The following ZPLD1 variants were observed in gnomAD, a reference collection of about 807,000 sequenced individuals.
ZPLD1 encodes the protein zona pellucida-like domain-containing protein 1.
In ZPLD1, 34 loss-of-function variants were observed where a neutral mutation model predicts 47.2. The ratio of observed to expected loss-of-function variants is 0.72; its 90% CI spans 0.55 to 0.96. ZPLD1 has a LOEUF of 0.96. Among genes scored for constraint, ZPLD1 ranks in the 40% least tolerant of loss-of-function variants. The pLI is 0.00. For missense variants in ZPLD1, 512 were observed against 505.8 expected, an observed-to-expected ratio of 1.01 and a Z score of -0.12; for synonymous variants, 176 against 186.2, an observed-to-expected ratio of 0.95 and a Z score of 0.45.
intron 7 of ZPLD1, among the ~76,000 whole-genome samples, chr3:102,406,422 G>A (rs1417151808): frequency 3.3e-5 from 5 of 151,872 alleles, no homozygotes; most frequent in African/African-American, 1.2e-4. Context: ...AAGACCTTGG[G>A]TATTGCAACT....
At chr3:102,391,844 G>A (rs760249852) in intron 6 of ZPLD1, among the ~76,000 whole-genome samples, 1 of 152,108 alleles carries the variant, frequency 6.6e-6, no homozygotes, top group Non-Finnish European at 1.5e-5. Context: ...AACCTTATGG[G>A]CACTCAATTT....
At chr3:102,410,816 G>A (rs921554649) in intron 7 of ZPLD1, among the ~76,000 whole-genome samples, 1 of 151,824 alleles carries the variant, frequency 6.6e-6, no homozygotes, top group African/African-American at 2.4e-5. Flanking sequence ...TTCATGAAAG[G>A]CTTGCTACAC....
chr3:102,385,921 C>G (rs1211747060), intron 6 of ZPLD1, among the ~76,000 whole-genome samples: 1 of 152,188 alleles, frequency 6.6e-6, no homozygotes, highest in Non-Finnish European at 1.5e-5. Context: ...AACTTCTCTC[C>G]TCCTTCCTCT....
At chr3:102,466,060 T>C (rs529653321) in intron 8 of ZPLD1, among the ~76,000 whole-genome samples, 90 of 152,122 alleles carry the variant, frequency 5.9e-4, no homozygotes, top group African/African-American at 2.1e-3. Context: ...AAGTGGCAGA[T>C]CTCATAAAGT....
intron 7 of ZPLD1, among the ~76,000 whole-genome samples, chr3:102,404,488 T>C (rs1268295852): frequency 6.6e-6 from 1 of 152,006 alleles, no homozygotes; most frequent in Non-Finnish European, 1.5e-5. Flanking sequence ...ACACAACCAG[T>C]GCCTATATGT....
At chr3:102,411,666 A>G (rs749976859) in intron 7 of ZPLD1, among the ~76,000 whole-genome samples, 31 of 151,846 alleles carry the variant, frequency 2.0e-4, no homozygotes, top group Non-Finnish European at 4.0e-4. Flanking sequence ...CCCAAGAATA[A>G]TGAGTCAACT....
At chr3:102,407,644 C>T (rs1026344135) in intron 7 of ZPLD1, among the ~76,000 whole-genome samples, 1 of 151,112 alleles carries the variant, frequency 6.6e-6, no homozygotes, top group Admixed American at 6.6e-5. Context: ...CTCTTTTAGG[C>T]AGTAGTCATG....
chr3:102,442,932 GT>G (rs1431701253), intron 3 of ZPLD1, among the ~76,000 whole-genome samples: 5 of 152,226 alleles, frequency 3.3e-5, no homozygotes, highest in African/African-American at 1.2e-4. Flanking sequence ...TAAAATTACA[GT>G]TGTGATGATT....
At chr3:102,416,988 GA>G (rs1319568646) in intron 7 of ZPLD1, among the ~76,000 whole-genome samples, 2 of 151,912 alleles carry the variant, frequency 1.3e-5, no homozygotes, top group Non-Finnish European at 2.9e-5. Context: ...ACCATTTAGG[GA>G]AAGAGTTTGG....
intron 6 of ZPLD1, among the ~76,000 whole-genome samples, chr3:102,387,333 A>G (rs1490749530): frequency 2.0e-5 from 3 of 152,234 alleles, no homozygotes; most frequent in Non-Finnish European, 4.4e-5. Context: ...GATAGCTAAT[A>G]TATAGTTTTC....
At chr3:102,414,705 T>G (rs552907537) in intron 7 of ZPLD1, among the ~76,000 whole-genome samples, 4 of 151,890 alleles carry the variant, frequency 2.6e-5, no homozygotes, top group African/African-American at 9.6e-5. Context: ...CCATTAATTC[T>G]TCATTGAAAC....
chr3:102,388,453 G>GCTCTCTCTCTC (rs1706458795), intron 6 of ZPLD1, among the ~76,000 whole-genome samples: 1 of 143,672 alleles, frequency 7.0e-6, no homozygotes, highest in African/African-American at 2.7e-5. Context: ...CTCTCTCTCT[G>GCTCTCTCTCTC]TCTGTGTGTG....
At chr3:102,445,989 CAG>C (rs1707250143) in intron 3 of ZPLD1, among the ~76,000 whole-genome samples, 1 of 152,076 alleles carries the variant, frequency 6.6e-6, no homozygotes, top group South Asian at 2.1e-4. Flanking sequence ...AAACTGAAAA[CAG>C]AGGCATCATC....
chr3:102,435,208 CT>C, intron 1 of ZPLD1, 54 bp downstream of exon 1: 1 of 1,595,204 alleles, frequency 6.3e-7, no homozygotes, highest in Non-Finnish European at 8.6e-7. Flanking sequence ...TTTGTTTTAA[CT>C]TACAGTTGAA....
intron 7 of ZPLD1, among the ~76,000 whole-genome samples, chr3:102,412,189 C>G (rs1706753785): frequency 6.6e-6 from 1 of 151,754 alleles, no homozygotes; most frequent in Non-Finnish European, 1.5e-5. Flanking sequence ...AAATAACAAT[C>G]ATATCTAAAA....
intron 7 of ZPLD1, among the ~76,000 whole-genome samples, chr3:102,397,288 A>G (rs1327071615): frequency 6.6e-6 from 1 of 152,144 alleles, no homozygotes; most frequent in Admixed American, 6.5e-5. Flanking sequence ...ACCAGAATCA[A>G]TGGCAGACAG....
chr3:102,426,620 G>A (rs960053526), intron 8 of ZPLD1, among the ~76,000 whole-genome samples: 13 of 151,942 alleles, frequency 8.6e-5, no homozygotes, highest in African/African-American at 2.9e-4. Flanking sequence ...ATTTGTCTAT[G>A]AGTAATTTTA....
At chr3:102,391,184 T>C (rs1444618167) in intron 6 of ZPLD1, among the ~76,000 whole-genome samples, 1 of 152,188 alleles carries the variant, frequency 6.6e-6, no homozygotes, top group African/African-American at 2.4e-5. Context: ...TGCAACTAAA[T>C]ACATCACACT....
chr3:102,473,434 A>G (rs1707713732), intron 10 of ZPLD1, among the ~76,000 whole-genome samples: 1 of 152,064 alleles, frequency 6.6e-6, no homozygotes, highest in African/African-American at 2.4e-5. Context: ...CCAATTTTCA[A>G]CCAGTTTCCA....
Sources: gnomAD v4.1 joint callset for allele counts (sites outside exome capture counted in the v4.1 genomes callset) on GRCh38, gnomAD v4.1.1 for gene constraint, MANE v1.5 for transcripts, NCBI Gene and HGNC (gene_info 2026-07-23, HGNC 2026-07-21) for gene names.